Variants in GREB1 observed in about 807,000 individuals in gnomAD.
The protein encoded by GREB1 is protein GREB1.
GREB1 carries 106 observed loss-of-function variants against 200.7 expected under a neutral mutation model. The observed-to-expected ratio is 0.53, with a 90% CI of 0.45 to 0.62. The LOEUF is 0.62. Ranked by LOEUF, GREB1 falls within the 20% of genes least tolerant of loss-of-function variation. The pLI, the probability that GREB1 is intolerant of heterozygous loss-of-function variation, is 0.00. For synonymous variants in GREB1, 1,132 were observed against 1,092.4 expected, an observed-to-expected ratio of 1.04 and a Z score of -0.72; for missense variants, 2,243 against 2,556.8, an observed-to-expected ratio of 0.88 and a Z score of 2.65.
In GREB1 at chr2:11,595,327, G is replaced by A. The variant is rs749852572; in HGVS notation, c.1773G>A (p.Leu591=). ...AEYQKEVNYE[L]VTGKVDSLGA... ...ACCAGAAGGAAGTCAATTACGAGCT[G>A]GTTACGGGGAAGGTAGACTCGCTGG... is the stretch of plus-strand genomic sequence containing the variant. Residue 591 remains leucine, a synonymous_variant, in exon 12 of 33, where the codon CTG becomes CTA. Transcript: ENST00000381486. The A allele has an allele frequency of 1.1e-5, 17 of 1,613,934 alleles. No individual in the cohort carries two copies. In the African/African-American group the frequency reaches 2.1e-4, roughly 20 times the overall value.
At chr2:11,569,534 G>T (rs916542639) in intron 4 of GREB1, among the ~76,000 whole-genome samples, 14 of 152,168 alleles carry the variant, frequency 9.2e-5, no homozygotes, top group African/African-American at 3.1e-4. Context: ...AAAATGAGTG[G>T]AATTCTGCCA....
rs936273920 is a variant in GREB1 at position 11,578,336 on chromosome 2, G to T, written c.677G>T (p.Ser226Ile). 1 of 1,614,008 alleles carries T rather than the reference G, an allele frequency of 6.2e-7. No individual in the cohort carries two copies. The highest frequency in any genetic ancestry group is 1.3e-5 in the African/African-American group (1 of 74,926). The stretch of plus-strand genomic sequence containing the variant: ...CAGATCCCCGCCAGTACTTGTTCCA[G>T]TTCCCTCTTCCCAGCCCTGGAGAGC... The part of the protein sequence containing the change: ...SRQIPASTCS[S>I]SLFPALESTA... Residue 226 changes from serine to isoleucine, a missense_variant, in exon 6 of 33, where the codon AGT (serine) becomes ATT (isoleucine). Ser to Ile is a moderately radical substitution (Grantham distance 142). Transcript: ENST00000381486.
rs1558510926 is a variant in GREB1 at position 11,538,679 on chromosome 2, TTCTTTCTTTCCTTCCTCCCTC to T, written c.-162+4426_-162+4446del. ...TTTCTTTCTTTCTTTCTTTCTTTCT[TTCTTTCTTTCCTTCCTCCCTC>T]CCTCCCTCCCTTCCTCCCTCCCCCT... On this transcript the variant is annotated intron_variant, in intron 1 of 32. Coordinates refer to ENST00000381486, the MANE Select transcript of GREB1 (RefSeq NM_014668.4). Among the ~76,000 whole-genome samples the T allele has an allele frequency of 3.1e-5, 3 of 98,342 alleles. 1 individual carries two copies. Among genetic ancestry groups the T allele is most frequent in the African/African-American group, 1.2e-4 (3 of 25,804 alleles). The allele number at this position is 98,342 out of a possible 152,430, so 64.5% of individuals were successfully genotyped here.
At chr2:11,575,683 C>T (rs557361615) in intron 4 of GREB1, among the ~76,000 whole-genome samples, 3 of 152,214 alleles carry the variant, frequency 2.0e-5, no homozygotes, top group South Asian at 2.1e-4. Context: ...CAGAAACTCA[C>T]GGGATCAACT....
In GREB1 at chr2:11,578,287, G is replaced by GC. The variant is rs1220506245; in HGVS notation, c.638-5dup. 2 of 1,608,504 alleles carry GC rather than the reference G, an allele frequency of 1.2e-6. No individual in the cohort carries two copies. Among genetic ancestry groups the GC allele is most frequent in the Non-Finnish European group, 1.7e-6 (2 of 1,175,744 alleles). The stretch of plus-strand genomic sequence containing the variant: ...GAGTTGGTTTTCACGTGTGCACCTT[G>GC]CCCCCTTAGAGTTTAGAAGCCGGCA... On this transcript the variant is annotated splice_polypyrimidine_tract_variant and intron_variant, in intron 5 of 32. Transcript: ENST00000381486.
At chr2:11,582,951 C>T (rs1438929606) in intron 7 of GREB1, among the ~76,000 whole-genome samples, 2 of 152,166 alleles carry the variant, frequency 1.3e-5, no homozygotes, top group African/African-American at 4.8e-5. Context: ...GTCCCAGGCC[C>T]AGGGTCTTAC....
chr2:11,588,684 C>A (rs1384111433), intron 9 of GREB1, 62 bp from the exon 10 acceptor site: 1 of 1,462,562 alleles, frequency 6.8e-7, no homozygotes, highest in Non-Finnish European at 9.6e-7. Flanking sequence ...AGAGAACCCA[C>A]ATGTATGGGA....
chr2:11,525,050 C>A (rs1320430133), intron 1 of GREB1, among the ~76,000 whole-genome samples: 1 of 152,190 alleles, frequency 6.6e-6, no homozygotes, highest in Non-Finnish European at 1.5e-5. Flanking sequence ...GAAGTCATTG[C>A]AGACTTGCTG....
At position 11,562,484 on chromosome 2, in the gene GREB1, A is replaced by AG; in HGVS notation, c.181dup (p.Glu61GlyfsTer26). 6.2e-7 allele frequency: 1 copy of AG among 1,611,836 alleles called. No homozygotes were observed. The highest frequency in any genetic ancestry group is 8.5e-7 in the Non-Finnish European group (1 of 1,178,966). On this transcript the variant is annotated frameshift_variant, in exon 3 of 33. Coordinates refer to ENST00000381486, the MANE Select transcript of GREB1 (RefSeq NM_014668.4). LOFTEE classifies it high-confidence loss of function. Reference sequence around the variant, plus strand: ...CTAGGTGGTAGCCGAGTGGACAATGAGGAAGAGGAAGAAGAGGGAGAAGGA... The same window carrying AG: ...CTAGGTGGTAGCCGAGTGGACAATGAGGGAAGAGGAAGAAGAGGGAGAAGGA...
intron 1 of GREB1, among the ~76,000 whole-genome samples, chr2:11,510,144 C>G (rs936572935): frequency 6.6e-6 from 1 of 152,170 alleles, no homozygotes; most frequent in African/African-American, 2.4e-5. Context: ...GATTGCATCA[C>G]TGGGCTGTTG....
intron 18 of GREB1, 40 bp from the exon 19 acceptor site, chr2:11,612,455 G>C: frequency 6.5e-7 from 1 of 1,538,572 alleles, no homozygotes; most frequent in Non-Finnish European, 9.0e-7. Context: ...GGTTGGGAAG[G>C]GAGGCGTCTG....
intron 17 of GREB1, among the ~76,000 whole-genome samples, chr2:11,607,858 C>G (rs1039873950): frequency 1.3e-5 from 2 of 152,038 alleles, no homozygotes; most frequent in South Asian, 4.1e-4. Context: ...AAAGGTTGAA[C>G]AAATAAACCA....
chr2:11,505,625 T>A (rs1350649106), intron 1 of GREB1, among the ~76,000 whole-genome samples: 1 of 152,144 alleles, frequency 6.6e-6, no homozygotes, highest in Non-Finnish European at 1.5e-5. Context: ...GAGGATCACC[T>A]GAGGTCAGGA....
chr2:11,598,075 T>G (rs1681430098), intron 14 of GREB1, 97 bp downstream of exon 14: 2 of 861,476 alleles, frequency 2.3e-6, no homozygotes, highest in East Asian at 4.8e-5. Flanking sequence ...ATAGAGTGAA[T>G]AGGGCAAGTA....
chr2:11,616,484 A>G (rs879853696), intron 20 of GREB1, 147 bp from the exon 21 acceptor site: 12 of 698,546 alleles, frequency 1.7e-5, no homozygotes, highest in Non-Finnish European at 2.9e-5. Flanking sequence ...TGCTCTGTCC[A>G]TGGTGGGGGC....
chr2:11,544,661 C>T (rs1675090970), intron 1 of GREB1, among the ~76,000 whole-genome samples: 1 of 152,202 alleles, frequency 6.6e-6, no homozygotes, highest in Admixed American at 6.5e-5. Flanking sequence ...CCAGAAGGCT[C>T]CTGCTCTCAT....
chr2:11,551,760 C>T (rs1205166371), intron 1 of GREB1, among the ~76,000 whole-genome samples: 2 of 152,188 alleles, frequency 1.3e-5, no homozygotes, highest in Admixed American at 6.5e-5. Flanking sequence ...GGGTTCGATT[C>T]CCGGTCATGG....
Position 11,526,555 on chromosome 2 carries a change from C to T in GREB1, c.-158-29902C>T, listed in dbSNP as rs532876118. On this transcript the variant is annotated intron_variant, in intron 1 of 2. Coordinates refer to the GREB1 transcript ENST00000628795. ...TTCTCTGGGGGCAAAAACTTTAAATCCTTTTTTTTTTTTTTTTAGAGAGAG... is the reference window on the plus strand; with the variant it reads ...TTCTCTGGGGGCAAAAACTTTAAATTCTTTTTTTTTTTTTTTTAGAGAGAG... 1.2e-4 allele frequency among the ~76,000 whole-genome samples: 18 copies of T among 150,238 alleles called. No individual in the cohort carries two copies. In the South Asian group the frequency reaches 3.8e-3, roughly 32 times the overall value.
rs200283255 is a variant in GREB1, at chr2:11,618,641, C to T, written c.3766C>T (p.Pro1256Ser). 1.8e-5 allele frequency: 29 copies of T among 1,613,574 alleles called. No individual in the cohort carries two copies. The highest frequency in any genetic ancestry group is 1.3e-4 in the Admixed American group (8 of 60,014). The stretch of plus-strand genomic sequence containing the variant: ...CTCCTTGACCAAGGCCTGCCGCCAG[C>T]CACCCATTGTCTTCTTGCCCAAGCT... ...QCSLTKACRQ[P>S]PIVFLPKLVY... The change falls in exon 22 of 33, where the codon CCA becomes TCA. Residue 1256 changes from proline (P) to serine (S), a missense_variant. Pro to Ser is a moderately conservative substitution (Grantham distance 74). Coordinates refer to ENST00000381486, the MANE Select transcript of GREB1 (RefSeq NM_014668.4).
Sources: gnomAD v4.1 joint callset for allele counts (sites outside exome capture counted in the v4.1 genomes callset) on GRCh38, gnomAD v4.1.1 for gene constraint, MANE v1.5 for transcripts, NCBI Gene and HGNC (gene_info 2026-07-23, HGNC 2026-07-21) for gene names.